ST7L: variants seen among roughly 807,000 people sequenced by gnomAD.
ST7L encodes suppressor of tumorigenicity 7 protein-like.
Under a neutral mutation model 72.5 loss-of-function variants are expected in ST7L, and 57 were observed. The observed-to-expected ratio is 0.79, with a 90% CI of 0.64 to 0.98. The LOEUF is 0.98. Among genes scored for constraint, ST7L ranks in the 50% least tolerant of loss-of-function variants. ST7L has a pLI of 0.00. For missense variants in ST7L, 576 were observed against 672.2 expected, an observed-to-expected ratio of 0.86 and a Z score of 1.58; for synonymous variants, 221 against 240.9, an observed-to-expected ratio of 0.92 and a Z score of 0.77.
intron 11 of ST7L, among the ~76,000 whole-genome samples, chr1:112,559,504 T>C (rs961055119): frequency 1.3e-5 from 2 of 151,838 alleles, no homozygotes; most frequent in African/African-American, 4.8e-5. Flanking sequence ...AGTGCTGGGA[T>C]TACAGGCATG....
chr1:112,566,168 T>G (rs1660985332), intron 11 of ST7L, among the ~76,000 whole-genome samples: 1 of 152,156 alleles, frequency 6.6e-6, no homozygotes, highest in Admixed American at 6.5e-5. Context: ...AGTCAAATTC[T>G]TTTTTCTTTA....
Position 112,598,448 on chromosome 1 carries a change from A to G in ST7L, c.507-362T>C, listed in dbSNP as rs549153602. ...AGCCAGTGAGCCCTGTCTTTACCAG[A>G]AAAAAAAAAAAAAAAATTCAGCCAG... On this transcript the variant is annotated intron_variant, in intron 4 of 14. Transcript: ENST00000358039. Among the ~76,000 whole-genome samples, 79 of 139,940 alleles carry G rather than the reference A, an allele frequency of 5.6e-4. No individual in the cohort carries two copies. In the South Asian group the frequency reaches 0.018, roughly 32 times the overall value. The allele number at this position is 139,940 out of a possible 152,430, so 91.8% of individuals were successfully genotyped here.
At chr1:112,609,873 C>G (rs1372855867) in intron 3 of ST7L, among the ~76,000 whole-genome samples, 1 of 152,076 alleles carries the variant, frequency 6.6e-6, no homozygotes, top group Non-Finnish European at 1.5e-5. Context: ...GAGGAACAGT[C>G]TACAATAAAA....
At chr1:112,568,861 A>AATATAAATAAATAAATATATAT in intron 11 of ST7L, among the ~76,000 whole-genome samples, 1 of 114,888 alleles carries the variant, frequency 8.7e-6, no homozygotes, top group East Asian at 4.0e-4. Context: ...TATAAATATA[A>AATATAAATAAATAAATATATAT]ATATATATAT....
At chr1:112,576,291 C>T (rs1364892465) in intron 11 of ST7L, among the ~76,000 whole-genome samples, 1 of 152,110 alleles carries the variant, frequency 6.6e-6, no homozygotes, top group Non-Finnish European at 1.5e-5. Flanking sequence ...GGTCTCACCA[C>T]ATTGCCCAGC....
At chr1:112,601,162 A>G (rs746418368) in intron 3 of ST7L, among the ~76,000 whole-genome samples, 11 of 152,220 alleles carry the variant, frequency 7.2e-5, no homozygotes, top group Admixed American at 1.3e-4. Flanking sequence ...CAAGCACAGC[A>G]TCTAGAACTG....
At chr1:112,533,180 T>TA (rs1654657105) in intron 14 of ST7L, among the ~76,000 whole-genome samples, 1 of 145,300 alleles carries the variant, frequency 6.9e-6, no homozygotes, top group South Asian at 2.1e-4. Context: ...TTTAAGCACT[T>TA]AGAGAGGCTG....
In ST7L at chr1:112,583,091, A is replaced by G. The variant is rs143908700; in HGVS notation, c.857-619T>C. Among the ~76,000 whole-genome samples, 241 of 152,320 alleles carry G rather than the reference A, an allele frequency of 1.6e-3. 1 individual carries two copies. The highest frequency in any genetic ancestry group is 5.6e-3 in the African/African-American group (232 of 41,582). The stretch of plus-strand genomic sequence containing the variant: ...TGTAGTTTCATTAGTTCCAGGCTAC[A>G]AAATTATATATTCCCACAGATTTGT... On this transcript the variant is annotated intron_variant, in intron 7 of 14. Transcript: ENST00000358039.
intron 13 of ST7L, among the ~76,000 whole-genome samples, chr1:112,548,329 G>C (rs1468202021): frequency 6.6e-6 from 1 of 152,162 alleles, no homozygotes; most frequent in Non-Finnish European, 1.5e-5. Flanking sequence ...TTGCACTCCA[G>C]TCAGGGCAAC....
chr1:112,610,348 T>C (rs1035864129), intron 3 of ST7L: 16 of 152,652 alleles, frequency 1.0e-4, no homozygotes, highest in Middle Eastern at 3.4e-3. Flanking sequence ...GGGTATCTGA[T>C]GATTATTGTT....
intron 11 of ST7L, among the ~76,000 whole-genome samples, chr1:112,558,528 TTTAA>T (rs1659563210): frequency 6.6e-6 from 1 of 152,256 alleles, no homozygotes; most frequent in African/African-American, 2.4e-5. Flanking sequence ...AATGCCCATC[TTTAA>T]TTACTCTTAC....
At chr1:112,593,701 C>T (rs1436254681) in intron 5 of ST7L, among the ~76,000 whole-genome samples, 1 of 151,968 alleles carries the variant, frequency 6.6e-6, no homozygotes, top group Non-Finnish European at 1.5e-5. Context: ...TTTTTAAATG[C>T]TGAAGAAAAA....
intron 2 of ST7L, among the ~76,000 whole-genome samples, chr1:112,614,076 C>A (rs900676742): frequency 1.3e-5 from 2 of 152,088 alleles, no homozygotes; most frequent in Admixed American, 6.6e-5. Context: ...TATAAGTTAT[C>A]CCCCTCTTAT....
chr1:112,617,938 G>A, intron 1 of ST7L: 2 of 1,255,270 alleles, frequency 1.6e-6, no homozygotes, highest in Middle Eastern at 2.2e-4. Context: ...TTATTTTAGA[G>A]TGCTAGTTAT....
intron 11 of ST7L, 137 bp downstream of exon 11, chr1:112,576,849 G>A (rs1663176729): frequency 1.8e-6 from 1 of 557,752 alleles, no homozygotes; most frequent in Non-Finnish European, 3.1e-6. Context: ...CCCCTGTAAG[G>A]TGAATAATAA....
chr1:112,596,763 G>A (rs1571229802), intron 5 of ST7L, among the ~76,000 whole-genome samples: 1 of 151,800 alleles, frequency 6.6e-6, no homozygotes, highest in Non-Finnish European at 1.5e-5. Flanking sequence ...TCAGCCTCCC[G>A]AGTAGCTGGG....
At chr1:112,536,512 G>A (rs919641131) in intron 14 of ST7L, among the ~76,000 whole-genome samples, 1 of 151,944 alleles carries the variant, frequency 6.6e-6, no homozygotes, top group Admixed American at 6.6e-5. Context: ...AAGACACTTG[G>A]CATTTATATC....
In ST7L at chr1:112,566,016, A is replaced by G. The variant is rs1401254703; in HGVS notation, c.1246-9998T>C. 3.9e-5 allele frequency among the ~76,000 whole-genome samples: 6 copies of G among 152,034 alleles called. No individual in the cohort carries two copies. In the East Asian group the frequency reaches 1.2e-3, roughly 30 times the overall value. ...ACAGAACAAAACTCTGTCTCAAGAA[A>G]AAAAAAAAAGGTACAGAAATAAAGT... On this transcript the variant is annotated intron_variant, in intron 11 of 14. Transcript: ENST00000358039.
intron 5 of ST7L, among the ~76,000 whole-genome samples, chr1:112,597,439 A>C (rs1666644397): frequency 6.6e-6 from 1 of 152,194 alleles, no homozygotes; most frequent in South Asian, 2.1e-4. Flanking sequence ...CAACAGAGTG[A>C]AATCAATCAA....
Sources: gnomAD v4.1 joint callset for allele counts (sites outside exome capture counted in the v4.1 genomes callset) on GRCh38, gnomAD v4.1.1 for gene constraint, MANE v1.5 for transcripts, NCBI Gene and HGNC (gene_info 2026-07-23, HGNC 2026-07-21) for gene names.